Variants in ATG2A observed in about 807,000 individuals in gnomAD.
ATG2A encodes autophagy-related protein 2 homolog A.
Under a neutral mutation model 214.2 loss-of-function variants are expected in ATG2A, and 103 were observed. That is an observed-to-expected ratio of 0.48 (90% CI 0.41 to 0.57). The LOEUF is 0.57. Ranked by LOEUF, ATG2A falls within the 20% of genes least tolerant of loss-of-function variation. ATG2A has a pLI of 0.00. For missense variants in ATG2A, 2,312 were observed against 2,613.2 expected, an observed-to-expected ratio of 0.88 and a Z score of 2.51; for synonymous variants, 1,160 against 1,142.1, an observed-to-expected ratio of 1.02 and a Z score of -0.32.
Position 64,897,872 on chromosome 11 carries a change from G to A in ATG2A, c.4961C>T (p.Pro1654Leu). 6.3e-7 allele frequency: 1 copy of A among 1,590,840 alleles called. No individual in the cohort carries two copies. The highest frequency in any genetic ancestry group is 8.6e-7 in the Non-Finnish European group (1 of 1,167,164). The change falls in exon 35 of 41, where the codon CCC becomes CTC. Residue 1654 changes from proline (P) to leucine (L), a missense_variant. Transcript: ENST00000377264. Reference sequence around the variant, plus strand: ...GATGGGCTGCTGGTCAGGAGGGGAGGGGCTGTGTCCACCTCCTGGGGCCTC... The same window carrying A: ...GATGGGCTGCTGGTCAGGAGGGGAGAGGCTGTGTCCACCTCCTGGGGCCTC... ...SQEAPGGGHS[P>L]SPPDQQPIYF... is the part of the protein sequence containing the mutation.
In ATG2A at chr11:64,902,691, G is replaced by C; in HGVS notation, c.3613-11C>G. ...GAATAGTGGCTGGCTCTGCAGGGGCGGGGTGGGGGGAGCAGCTATGTGAAC... is the reference window on the plus strand; with the variant it reads ...GAATAGTGGCTGGCTCTGCAGGGGCCGGGTGGGGGGAGCAGCTATGTGAAC... On this transcript the variant is annotated splice_polypyrimidine_tract_variant and intron_variant, in intron 26 of 40. Coordinates refer to ENST00000377264, the MANE Select transcript of ATG2A (RefSeq NM_015104.3). 1 of 1,604,002 alleles carries C rather than the reference G, an allele frequency of 6.2e-7. No homozygotes were observed. The highest frequency in any genetic ancestry group is 8.5e-7 in the Non-Finnish European group (1 of 1,175,136).
In ATG2A at chr11:64,910,810, C is replaced by G. The variant is rs374509498; in HGVS notation, c.1611G>C (p.Thr537=). The change falls in exon 11 of 41, where the codon ACG becomes ACC. Residue 537 remains threonine, a synonymous_variant. Transcript: ENST00000377264. ...WPRGTSEPEY[T]EILTFPGTLG... ...CACATTCTGCCTCTGCCCTCACCTC[C>G]GTGTACTCAGGCTCAGAGGTGCCCC... The G allele has an allele frequency of 1.2e-6, 2 of 1,610,370 alleles. No homozygotes were observed. The highest frequency in any genetic ancestry group is 1.7e-6 in the Non-Finnish European group (2 of 1,178,692).
chr11:64,904,925 C>T (rs531656976), intron 24 of ATG2A, among the ~76,000 whole-genome samples: 3 of 152,258 alleles, frequency 2.0e-5, no homozygotes, highest in African/African-American at 7.2e-5. Flanking sequence ...GCGCAATCTT[C>T]GCTCACCGTA....
At chr11:64,908,459 GGAGAATCGCTT>G (rs1222485486) in intron 16 of ATG2A, among the ~76,000 whole-genome samples, 5 of 152,212 alleles carry the variant, frequency 3.3e-5, no homozygotes, top group African/African-American at 9.7e-5. Flanking sequence ...GGCTGAGGCA[GGAGAATCGCTT>G]GAGCCTGGGA....
rs765499817 is a variant in ATG2A, at chr11:64,911,830, G to C, written c.1228+12C>G. On this transcript the variant is annotated intron_variant, in intron 9 of 40. Transcript: ENST00000377264. ...CCTGTCCCTGGAGTACCCCCAGGGTGCTCCAACTCACCAGCTGGGTGGGCC... is the reference window on the plus strand; with the variant it reads ...CCTGTCCCTGGAGTACCCCCAGGGTCCTCCAACTCACCAGCTGGGTGGGCC... 4.3e-6 allele frequency: 7 copies of C among 1,612,326 alleles called. No homozygotes were observed. Among genetic ancestry groups the C allele is most frequent in the Non-Finnish European group, 5.9e-6 (7 of 1,179,854 alleles).
rs773771338 is a variant in ATG2A at position 64,900,920 on chromosome 11, T to C, written c.4292A>G (p.Tyr1431Cys). ...GTGGGGGCCAAAGTCTCGGCCCCCA[T>C]AGAGGTGCCAGACGAGGGAGACCTC... is the stretch of plus-strand genomic sequence containing the variant. Reference protein sequence around the residue: ...LREVSLVWHLYGGRDFGPHPG... With the variant: ...LREVSLVWHLCGGRDFGPHPG... Residue 1431 changes from tyrosine to cysteine, a missense_variant, in exon 30 of 41, where the codon TAT (tyrosine) becomes TGT (cysteine). Coordinates refer to ENST00000377264, the MANE Select transcript of ATG2A (RefSeq NM_015104.3). 1.3e-6 allele frequency: 2 copies of C among 1,572,116 alleles called. No homozygotes were observed. Among genetic ancestry groups the C allele is most frequent in the East Asian group, 2.4e-5 (1 of 42,108 alleles).
In ATG2A at chr11:64,905,529, GGTGGGATGGCCCAGT is replaced by G; in HGVS notation, c.3464+19_3464+33del. On this transcript the variant is annotated intron_variant, in intron 24 of 40. Transcript: ENST00000377264. ...TGGCAGGCAGCTTCGGCCCGGCGAG[GGTGGGATGGCCCAGT>G]GTGGGGCGGCCTGCATACCTGAGCA... 3.1e-6 allele frequency: 5 copies of G among 1,589,078 alleles called. No individual in the cohort carries two copies. The highest frequency in any genetic ancestry group is 3.4e-6 in the Non-Finnish European group (4 of 1,166,428).
chr11:64,900,872 G>A lies in ATG2A; in HGVS notation c.4328+12C>T, dbSNP rs374880566. Reference sequence around the variant, plus strand: ...CCTTCACCAGCTGCCACCTGCACCCGCTCCTCCTCACCTGTGGCCGGGGTG... The same window carrying A: ...CCTTCACCAGCTGCCACCTGCACCCACTCCTCCTCACCTGTGGCCGGGGTG... On this transcript the variant is annotated intron_variant, in intron 30 of 40. Transcript: ENST00000377264. The A allele has an allele frequency of 3.5e-4, 543 of 1,549,194 alleles. No individual in the cohort carries two copies. Among genetic ancestry groups the A allele is most frequent in the Non-Finnish European group, 4.6e-4 (523 of 1,147,392 alleles).
intron 1 of ATG2A, among the ~76,000 whole-genome samples, chr11:64,915,396 G>A (rs1287684394): frequency 2.0e-5 from 3 of 152,198 alleles, no homozygotes; most frequent in Non-Finnish European, 4.4e-5. Flanking sequence ...GAGACCCACA[G>A]CTCGGGAAAC....
chr11:64,912,750 C>T (rs537905435), intron 6 of ATG2A: 291 of 451,298 alleles, frequency 6.4e-4, no homozygotes, highest in Non-Finnish European at 1.0e-3. Flanking sequence ...TGTGCCACCA[C>T]GCCTGGCTAA....
chr11:64,909,153 G>T lies in ATG2A; in HGVS notation c.2205-3C>A. 1 of 1,607,586 alleles carries T rather than the reference G, an allele frequency of 6.2e-7. No homozygotes were observed. The stretch of plus-strand genomic sequence containing the variant: ...GGGGGTTCACAGTCACCACTACCCT[G>T]CCGGGGCACAGGCCTGTTACTGGCC... On this transcript the variant is annotated splice_polypyrimidine_tract_variant and splice_region_variant and intron_variant, in intron 15 of 40. Coordinates refer to ENST00000377264, the MANE Select transcript of ATG2A (RefSeq NM_015104.3).
rs1471087381 is a variant in ATG2A, at chr11:64,912,520, T to A, written c.826-97A>T. 2.8e-6 allele frequency: 3 copies of A among 1,055,618 alleles called. No homozygotes were observed. The Admixed American group carries it at 8.4e-5, about 30-fold the overall frequency. 65.4% of individuals were successfully genotyped at this position (1,055,618 alleles called of 1,614,324 possible). A position where few individuals can be genotyped will look rare whatever the true frequency, so the allele number is the denominator to read the frequency against. ...CCCTCGCCCTGGGAAAGCAGGATGCTGGCTACCAAACTAAACTCTGTTACC... is the reference window on the plus strand; with the variant it reads ...CCCTCGCCCTGGGAAAGCAGGATGCAGGCTACCAAACTAAACTCTGTTACC... On this transcript the variant is annotated intron_variant, in intron 6 of 40. Coordinates refer to ENST00000377264, the MANE Select transcript of ATG2A (RefSeq NM_015104.3).
At position 64,898,886 on chromosome 11, in the gene ATG2A, G is replaced by A. The variant is rs1371547362; in HGVS notation, c.4465-44C>T. ...CCTGGCCAGGTAAGCAGGGCCCCAAGAGGGAGGGAAGGGCTGGCCCCAGAC... is the reference window on the plus strand; with the variant it reads ...CCTGGCCAGGTAAGCAGGGCCCCAAAAGGGAGGGAAGGGCTGGCCCCAGAC... On this transcript the variant is annotated intron_variant, in intron 31 of 40. Transcript: ENST00000377264. The surrounding 1 kb of genome is among the most constrained non-coding windows in gnomAD (Gnocchi z 4.5). 9.5e-6 allele frequency: 15 copies of A among 1,572,550 alleles called. No individual in the cohort carries two copies. The highest frequency in any genetic ancestry group is 1.3e-5 in the Non-Finnish European group (15 of 1,157,626).
chr11:64,906,125 G>C lies in ATG2A; in HGVS notation c.3252C>G (p.Ser1084Arg). 1 of 1,585,312 alleles carries C rather than the reference G, an allele frequency of 6.3e-7. No homozygotes were observed. Among genetic ancestry groups the C allele is most frequent in the Non-Finnish European group, 8.6e-7 (1 of 1,165,800 alleles). ...CACCCACGCTCACCTGGGAATGCCA[G>C]CTCTGCTCGGGCAGGGCCATGTAGT... The part of the protein sequence containing the change: ...LRHYMALPEQ[S>R]WHSQLLEFLD... The change falls in exon 22 of 41, where the codon AGC becomes AGG. Residue 1084 changes from serine (S) to arginine (R), a missense_variant. Physicochemically the swap from Ser to Arg is moderately radical, Grantham distance 110. Transcript: ENST00000377264.
intron 1 of ATG2A, among the ~76,000 whole-genome samples, 178 bp from the exon 2 acceptor site, chr11:64,914,678 A>G (rs948616075): frequency 6.6e-6 from 1 of 151,602 alleles, no homozygotes; most frequent in Admixed American, 6.6e-5. Flanking sequence ...CAGCCCCCCT[A>G]CCCCGTCACC....
intron 1 of ATG2A, among the ~76,000 whole-genome samples, chr11:64,915,035 C>T (rs1397428013): frequency 6.6e-6 from 1 of 151,262 alleles, no homozygotes; most frequent in Non-Finnish European, 1.5e-5. Context: ...AACATGGGCA[C>T]ATGTATGGCA....
Position 64,907,512 on chromosome 11 carries a change from G to GCA in ATG2A, c.2647+11_2647+12dup, listed in dbSNP as rs759788685. 1.2e-6 allele frequency: 2 copies of GCA among 1,612,636 alleles called. No individual in the cohort carries two copies. Among genetic ancestry groups the GCA allele is most frequent in the Non-Finnish European group, 1.7e-6 (2 of 1,179,654 alleles). ...GGGTCCTCCCTCTAGCCCAGCGTTA[G>GCA]CACCTCTCATACCCAGCTTGAAGGC... On this transcript the variant is annotated intron_variant, in intron 18 of 40. Transcript: ENST00000377264.
rs1944830102 is a variant in ATG2A at position 64,912,882 on chromosome 11, G to C, written c.825+156C>G. On this transcript the variant is annotated intron_variant, in intron 6 of 40. Transcript: ENST00000377264. ...TGCTGGGATTACAGGTGTGAACCCT[G>C]TGCCTGGCCTACAGCCTCAGTTTCT... 7.8e-6 allele frequency: 5 copies of C among 641,824 alleles called. No individual in the cohort carries two copies. The East Asian group carries it at 1.4e-4, about 18-fold the overall frequency. 39.8% of individuals were successfully genotyped at this position (641,824 alleles called of 1,614,324 possible).
In ATG2A at chr11:64,905,635, C is replaced by A. The variant is rs372022314; in HGVS notation, c.3392G>T (p.Arg1131Leu). 1.4e-5 allele frequency: 23 copies of A among 1,613,656 alleles called. No individual in the cohort carries two copies. Among genetic ancestry groups the A allele is most frequent in the Non-Finnish European group, 1.8e-5 (21 of 1,179,904 alleles). The change falls in exon 24 of 41, where the codon CGT becomes CTT. Residue 1131 changes from arginine (R) to leucine (L), a missense_variant. Transcript: ENST00000377264. ...GAAGGTCTCCGCGGTGATGAGGACA[C>A]GCACTGGGAGGTAGAGTGGCCTGGG... The part of the protein sequence containing the change: ...VDYRPLYLPV[R>L]VLITAETFTL...
Sources: allele counts gnomAD v4.1 joint callset (sites outside exome capture counted in the v4.1 genomes callset), GRCh38; gene constraint gnomAD v4.1.1; non-coding constraint Gnocchi (gnomAD v3.1); transcripts MANE v1.5; gene names NCBI Gene and HGNC (gene_info 2026-07-23, HGNC 2026-07-21).